AFF3: variants seen among roughly 807,000 people sequenced by gnomAD.
The protein encoded by AFF3 is ALF transcription elongation factor 3.
Under a neutral mutation model 129.7 loss-of-function variants are expected in AFF3, and 32 were observed. The observed-to-expected ratio is 0.25, with a 90% CI of 0.19 to 0.33. The LOEUF (loss-of-function observed/expected upper bound fraction) is 0.33, where lower values mean the gene tolerates loss of function less well. Ranked by LOEUF, AFF3 falls within the 10% of genes least tolerant of loss-of-function variation. The pLI is 1.00. For synonymous variants in AFF3, 644 were observed against 635.4 expected (o/e 1.01, Z -0.20); for missense variants, 1,373 against 1,592.0 (o/e 0.86, Z 2.34).
intron 8 of AFF3, among the ~76,000 whole-genome samples, chr2:99,782,150 C>T (rs897425261): frequency 7.9e-5 from 12 of 152,150 alleles, no homozygotes; most frequent in African/African-American, 2.9e-4. Context: ...TTCCATTTCC[C>T]CTTGGGCATG....
At chr2:99,687,212 T>A (rs1322952104) in intron 11 of AFF3, among the ~76,000 whole-genome samples, 1 of 152,250 alleles carries the variant, frequency 6.6e-6, no homozygotes, top group Admixed American at 6.5e-5. Context: ...ACAAACGTAT[T>A]CCTGGCTTCT....
chr2:99,570,615 T>C (rs1676388561), intron 18 of AFF3, among the ~76,000 whole-genome samples: 1 of 152,250 alleles, frequency 6.6e-6, no homozygotes, highest in Admixed American at 6.5e-5. Flanking sequence ...TGGGATTACA[T>C]GGCTTCCATC....
chr2:99,875,737 T>A lies in AFF3; in HGVS notation c.874-38213A>T, dbSNP rs536777689. The stretch of plus-strand genomic sequence containing the variant: ...AGTTTCTAATTCTAAAAAGGACTAG[T>A]TCTGGAAGGCCGGTGAGCTCAGGGA... On this transcript the variant is annotated intron_variant, in intron 7 of 24. Coordinates refer to ENST00000672756, the MANE Select transcript of AFF3 (RefSeq NM_001386135.1). 2.0e-4 allele frequency among the ~76,000 whole-genome samples: 30 copies of A among 152,264 alleles called. No individual in the cohort carries two copies. The South Asian group carries it at 4.8e-3, about 24-fold the overall frequency.
At chr2:100,060,153 G>T (rs572961886) in intron 4 of AFF3, among the ~76,000 whole-genome samples, 2 of 152,234 alleles carry the variant, frequency 1.3e-5, no homozygotes, top group South Asian at 4.2e-4. Flanking sequence ...ATAGGAGCTT[G>T]CTCAGCTCTG....
chr2:99,566,970 CTTTTTTT>C (rs755875614), intron 19 of AFF3, among the ~76,000 whole-genome samples: 11 of 140,854 alleles, frequency 7.8e-5, no homozygotes, highest in African/African-American at 2.3e-4. Flanking sequence ...TTTCTTTTTT[CTTTTTTT>C]TTTTTTTGGA....
chr2:99,870,134 C>G (rs1164325698), intron 7 of AFF3, among the ~76,000 whole-genome samples: 1 of 152,192 alleles, frequency 6.6e-6, no homozygotes, highest in Non-Finnish European at 1.5e-5. Flanking sequence ...GATTCTGATT[C>G]CCCCTCCAAC....
chr2:99,833,431 C>T (rs1295661948), intron 8 of AFF3, among the ~76,000 whole-genome samples: 2 of 152,160 alleles, frequency 1.3e-5, no homozygotes, highest in African/African-American at 2.4e-5. Flanking sequence ...TTGCAGCACA[C>T]TGGAATTAAA....
Position 99,559,698 on chromosome 2 carries a change from C to G in AFF3, c.3191+667G>C, listed in dbSNP as rs144402997. On this transcript the variant is annotated intron_variant, in intron 21 of 24. Transcript: ENST00000672756. Reference sequence around the variant, plus strand: ...GTTATTTGCTAACTCGGATCTGATGCTGACATCCAGAATACCAACATTCTG... The same window carrying G: ...GTTATTTGCTAACTCGGATCTGATGGTGACATCCAGAATACCAACATTCTG... 5.8e-3 allele frequency among the ~76,000 whole-genome samples: 882 copies of G among 152,360 alleles called. 5 individuals carry two copies. Among genetic ancestry groups the G allele is most frequent in the African/African-American group, 0.02 (833 of 41,582 alleles).
chr2:99,795,919 G>A (rs570454530), intron 8 of AFF3, among the ~76,000 whole-genome samples: 1 of 152,208 alleles, frequency 6.6e-6, no homozygotes, highest in African/African-American at 2.4e-5. Context: ...GAAAAATCAA[G>A]AAATCTGTTT....
At chr2:100,031,967 T>C (rs1684528429) in intron 4 of AFF3, among the ~76,000 whole-genome samples, 1 of 152,188 alleles carries the variant, frequency 6.6e-6, no homozygotes, top group Admixed American at 6.5e-5. Flanking sequence ...AAACATAATA[T>C]TGAGTGTTAC....
chr2:99,637,337 G>A (rs566246148), intron 13 of AFF3, among the ~76,000 whole-genome samples: 6 of 152,316 alleles, frequency 3.9e-5, no homozygotes, highest in South Asian at 2.1e-4. Context: ...TTTGCGGCAC[G>A]GCCTCCGCCC....
At chr2:99,587,610 G>A (rs983985778) in intron 15 of AFF3, among the ~76,000 whole-genome samples, 4 of 152,128 alleles carry the variant, frequency 2.6e-5, no homozygotes, top group East Asian at 1.9e-4. Flanking sequence ...CAGCTCCAGC[G>A]GCACTCACCT....
intron 8 of AFF3, among the ~76,000 whole-genome samples, chr2:99,774,522 G>A (rs1378849316): frequency 6.6e-6 from 1 of 152,140 alleles, no homozygotes; most frequent in African/African-American, 2.4e-5. Context: ...ATTGTGCTGA[G>A]AGAACTGACT....
intron 1 of AFF3, among the ~76,000 whole-genome samples, chr2:100,131,301 T>C (rs1692420631): frequency 6.6e-6 from 1 of 152,172 alleles, no homozygotes; most frequent in Admixed American, 6.5e-5. Flanking sequence ...CCTTTTAATA[T>C]AGGTTTCTCA....
At chr2:99,957,071 G>C (rs1334978236) in intron 7 of AFF3, among the ~76,000 whole-genome samples, 1 of 152,208 alleles carries the variant, frequency 6.6e-6, no homozygotes, top group Non-Finnish European at 1.5e-5. Context: ...TCTGTTGCCT[G>C]TGAAATCTGA....
intron 11 of AFF3, among the ~76,000 whole-genome samples, chr2:99,717,615 C>T (rs139644234): frequency 2.2e-3 from 334 of 152,284 alleles, no homozygotes; most frequent in Non-Finnish European, 3.8e-3. Flanking sequence ...ATTCTAGACA[C>T]AAATTATTTG....
rs141113870 is a variant in AFF3, at chr2:99,839,133, G to A, written c.874-1609C>T. Among the ~76,000 whole-genome samples the A allele has an allele frequency of 4.9e-3, 752 of 151,984 alleles. 7 individuals are homozygous for A. Among genetic ancestry groups the A allele is most frequent in the East Asian group, 0.036 (188 of 5,162 alleles). On this transcript the variant is annotated intron_variant, in intron 7 of 24. Transcript: ENST00000672756. ...TGTTTTAACTTTTTTTTTTGAGACCGAGTTTCGCTCTTGTTGCCCAGGCTG... is the reference window on the plus strand; with the variant it reads ...TGTTTTAACTTTTTTTTTTGAGACCAAGTTTCGCTCTTGTTGCCCAGGCTG...
Position 99,582,962 on chromosome 2 carries a change from G to A in AFF3, c.2629C>T (p.Arg877Trp), listed in dbSNP as rs190577667. Residue 877 changes from arginine (R) to tryptophan (W), a missense_variant, in exon 17 of 25, where the codon CGG becomes TGG. By Grantham distance (101) the Arg-to-Trp change is moderately radical. Coordinates refer to ENST00000672756, the MANE Select transcript of AFF3 (RefSeq NM_001386135.1). ...IPINKNEKML[R>W]SPISPLSDAS... The stretch of plus-strand genomic sequence containing the variant: ...TCAGAGAGGGGTGAGATGGGCGACC[G>A]AAGCATTTTTTCATTTTTATTTATT... The A allele has an allele frequency of 4.3e-5, 69 of 1,613,924 alleles. No individual in the cohort carries two copies. Among genetic ancestry groups the A allele is most frequent in the Admixed American group, 8.3e-5 (5 of 59,982 alleles).
At chr2:100,070,702 G>A (rs1688111131) in intron 4 of AFF3, among the ~76,000 whole-genome samples, 1 of 152,060 alleles carries the variant, frequency 6.6e-6, no homozygotes. Context: ...GATCCAAACT[G>A]GCCATGGCTC....
Sources: gnomAD v4.1 joint callset for allele counts (sites outside exome capture counted in the v4.1 genomes callset) on GRCh38, gnomAD v4.1.1 for gene constraint, MANE v1.5 for transcripts, NCBI Gene and HGNC (gene_info 2026-07-23, HGNC 2026-07-21) for gene names.